NCF2: variants seen among roughly 807,000 people sequenced by gnomAD.
NCF2 encodes the protein neutrophil cytosolic factor 2.
NCF2 carries 45 observed loss-of-function variants against 70.9 expected under a neutral mutation model. The ratio of observed to expected loss-of-function variants is 0.63; its 90% CI spans 0.50 to 0.81. The LOEUF (loss-of-function observed/expected upper bound fraction) is 0.81, where lower values mean the gene tolerates loss of function less well. NCF2 is among the 40% of genes least tolerant of loss of function. NCF2 has a pLI of 0.00. For missense variants in NCF2, 522 were observed against 631.6 expected, an observed-to-expected ratio of 0.83 and a Z score of 1.86; for synonymous variants, 203 against 233.6, an observed-to-expected ratio of 0.87 and a Z score of 1.19.
At chr1:183,559,605 T>A (rs1394543246) in intron 14 of NCF2, among the ~76,000 whole-genome samples, 1 of 152,150 alleles carries the variant, frequency 6.6e-6, no homozygotes, top group South Asian at 2.1e-4. Context: ...ATGCCTGTAA[T>A]CTCAGTACTT....
At chr1:183,574,675 C>T in intron 3 of NCF2, 54 bp from the exon 4 acceptor site, 2 of 1,603,296 alleles carry the variant, frequency 1.2e-6, no homozygotes, top group Non-Finnish European at 1.7e-6. Flanking sequence ...AATCAAGGTG[C>T]CAGGGAAAGG....
At chr1:183,558,212 T>C (rs1671879488) in intron 14 of NCF2, among the ~76,000 whole-genome samples, 1 of 151,946 alleles carries the variant, frequency 6.6e-6, no homozygotes, top group Non-Finnish European at 1.5e-5. Context: ...TACACACTTG[T>C]TGTATACTCT....
At chr1:183,567,487 C>T in intron 7 of NCF2, 142 bp from the exon 8 acceptor site, 1 of 1,162,726 alleles carries the variant, frequency 8.6e-7, no homozygotes, top group Non-Finnish European at 1.3e-6. Flanking sequence ...TGACACTGAG[C>T]CTGCCTGGGC....
chr1:183,575,440 T>TG (rs35471511), intron 3 of NCF2, among the ~76,000 whole-genome samples: 82 of 151,412 alleles, frequency 5.4e-4, no homozygotes, highest in Admixed American at 7.2e-4. Context: ...TCACCTCAGG[T>TG]GGGGGGGGAA....
At chr1:183,568,715 C>T (rs533289726) in intron 7 of NCF2, among the ~76,000 whole-genome samples, 7 of 150,648 alleles carry the variant, frequency 4.6e-5, no homozygotes, top group African/African-American at 1.5e-4. Context: ...GGCCTGCCCC[C>T]GTCAGAGGGG....
intron 5 of NCF2, among the ~76,000 whole-genome samples, chr1:183,571,114 C>CTTTTTT (rs66625837): frequency 6.6e-5 from 7 of 106,816 alleles, no homozygotes; most frequent in Admixed American, 1.2e-4. Context: ...ATCAAATTAT[C>CTTTTTT]TTTTTTTTTT....
In NCF2 at chr1:183,565,765, C is replaced by G. The variant is rs556389548; in HGVS notation, c.939G>C (p.Pro313=). ...TAGGAGGAGCTGGGATGTCGGACTG[C>G]GGAGAGCTTTCCTCCTGAAGGCAAC... ...PQQQPQEESS[P]QSDIPAPPSS... The change falls in exon 10 of 15, where the codon CCG becomes CCC. Residue 313 remains proline (P), a synonymous_variant. Coordinates refer to ENST00000367535, the MANE Select transcript of NCF2 (RefSeq NM_000433.4). 67 of 1,613,478 alleles carry G rather than the reference C, an allele frequency of 4.2e-5. 3 individuals carry two copies. In the South Asian group the frequency reaches 7.0e-4, roughly 17 times the overall value.
At chr1:183,557,407 T>C (rs1445547103) in intron 14 of NCF2, among the ~76,000 whole-genome samples, 2 of 152,216 alleles carry the variant, frequency 1.3e-5, no homozygotes, top group Non-Finnish European at 2.9e-5. Flanking sequence ...TCTTACAGGG[T>C]AGGTCGTGGA....
chr1:183,584,274 C>T (rs1259463359), intron 2 of NCF2, among the ~76,000 whole-genome samples: 1 of 152,204 alleles, frequency 6.6e-6, no homozygotes, highest in African/African-American at 2.4e-5. Flanking sequence ...CATTTAACAA[C>T]CACTGCTGCA....
chr1:183,577,554 C>A, intron 3 of NCF2, 45 bp downstream of exon 3: 1 of 1,450,162 alleles, frequency 6.9e-7, no homozygotes, highest in South Asian at 1.1e-5. Flanking sequence ...GCCATCCATC[C>A]AGCCATGATC....
chr1:183,586,807 G>T (rs1673372960), intron 2 of NCF2, 88 bp downstream of exon 2: 2 of 1,185,334 alleles, frequency 1.7e-6, no homozygotes, highest in African/African-American at 1.5e-5. Context: ...GGTTGGGAAG[G>T]TACTGCTCAA....
At chr1:183,564,730 AAAGAT>A (rs1221400642) in intron 10 of NCF2, among the ~76,000 whole-genome samples, 1 of 152,238 alleles carries the variant, frequency 6.6e-6, no homozygotes, top group Non-Finnish European at 1.5e-5. Flanking sequence ...CCTCTAGACA[AAAGAT>A]AACAACAAAA....
rs1479304956 is a variant in NCF2 at position 183,556,032 on chromosome 1, A to T, written c.*86T>A. 4.6e-6 allele frequency: 5 copies of T among 1,078,538 alleles called. No homozygotes were observed. The highest frequency in any genetic ancestry group is 1.5e-5 in the African/African-American group (1 of 64,580). The allele number at this position is 1,078,538 out of a possible 1,614,324, so 66.8% of individuals were successfully genotyped here. A position where few individuals can be genotyped will look rare whatever the true frequency, so the allele number is the denominator to read the frequency against. On this transcript the variant is annotated 3_prime_UTR_variant, in exon 15 of 15. Coordinates refer to ENST00000367535, the MANE Select transcript of NCF2 (RefSeq NM_000433.4). ...TAACACTTCCAAACTGTAATGTCTC[A>T]GTACAGTATACAGCAGAAGGGTGCT...
intron 4 of NCF2, 90 bp from the exon 5 acceptor site, chr1:183,573,382 C>A: frequency 8.6e-7 from 1 of 1,166,892 alleles, no homozygotes; most frequent in African/African-American, 1.5e-5. Context: ...TGCAAGAATT[C>A]ATTGAGATAA....
intron 3 of NCF2, 146 bp downstream of exon 3, chr1:183,577,453 A>T: frequency 1.4e-6 from 1 of 699,788 alleles, no homozygotes; most frequent in Non-Finnish European, 2.6e-6. Flanking sequence ...TCTTTTCTTC[A>T]AGGAAAATCT....
the NCF2 span, among the ~76,000 whole-genome samples, chr1:183,601,684 C>T: frequency 2.6e-5 from 4 of 151,838 alleles, no homozygotes; most frequent in Non-Finnish European, 4.4e-5. Context: ...GGTGAAACCC[C>T]GTCTCTACTA....
chr1:183,563,419 C>CT lies in NCF2; in HGVS notation c.1178+14dup. Reference sequence around the variant, plus strand: ...TTCCCACTGTACCCCTCACAGCTGCCTGCATGGAGCTCACCTCAGCTTAGT... The same window carrying CT: ...TTCCCACTGTACCCCTCACAGCTGCCTTGCATGGAGCTCACCTCAGCTTAGT... On this transcript the variant is annotated intron_variant, in intron 12 of 14. Coordinates refer to ENST00000367535, the MANE Select transcript of NCF2 (RefSeq NM_000433.4). 1 of 1,614,196 alleles carries CT rather than the reference C, an allele frequency of 6.2e-7. No homozygotes were observed. Among genetic ancestry groups the CT allele is most frequent in the Non-Finnish European group, 8.5e-7 (1 of 1,180,030 alleles).
intron 13 of NCF2, among the ~76,000 whole-genome samples, chr1:183,561,212 G>T (rs1392590940): frequency 6.6e-6 from 1 of 152,182 alleles, no homozygotes; most frequent in African/African-American, 2.4e-5. Context: ...GTGAATCATA[G>T]AATTTAACAA....
intron 13 of NCF2, among the ~76,000 whole-genome samples, chr1:183,561,607 T>C (rs552548327): frequency 6.6e-6 from 1 of 151,934 alleles, no homozygotes; most frequent in Non-Finnish European, 1.5e-5. Flanking sequence ...GCTTAATAAA[T>C]GTTAGTTCAT....
Sources: allele counts gnomAD v4.1 joint callset (sites outside exome capture counted in the v4.1 genomes callset), GRCh38; gene constraint gnomAD v4.1.1; transcripts MANE v1.5; gene names NCBI Gene and HGNC (gene_info 2026-07-23, HGNC 2026-07-21).